The following ZSWIM5 variants were observed in gnomAD, a reference collection of about 807,000 sequenced individuals.
ZSWIM5 encodes zinc finger SWIM domain-containing protein 5.
A neutral mutation model predicts 119.6 loss-of-function variants in ZSWIM5; 55 were observed. That is an observed-to-expected ratio of 0.46 (90% CI 0.37 to 0.58). The LOEUF (loss-of-function observed/expected upper bound fraction) is 0.58, where lower values mean the gene tolerates loss of function less well. ZSWIM5 is among the 20% of genes least tolerant of loss of function. ZSWIM5 has a pLI of 0.00. For missense variants in ZSWIM5, 1,193 were observed against 1,512.8 expected, an observed-to-expected ratio of 0.79 and a Z score of 3.51; for synonymous variants, 537 against 606.9, an observed-to-expected ratio of 0.88 and a Z score of 1.69.
chr1:45,054,397 A>C (rs1399891348), intron 4 of ZSWIM5, among the ~76,000 whole-genome samples: 1 of 152,024 alleles, frequency 6.6e-6, no homozygotes, highest in Non-Finnish European at 1.5e-5. Flanking sequence ...AGCCTGGCCA[A>C]CATGGTGAAA....
chr1:45,054,955 A>T (rs1645112349), intron 4 of ZSWIM5, among the ~76,000 whole-genome samples: 1 of 152,056 alleles, frequency 6.6e-6, no homozygotes, highest in Non-Finnish European at 1.5e-5. Context: ...CCTCCTAAGT[A>T]ACTGGCATTA....
chr1:45,166,238 G>A (rs1040218545), intron 1 of ZSWIM5, among the ~76,000 whole-genome samples: 1 of 152,094 alleles, frequency 6.6e-6, no homozygotes, highest in East Asian at 1.9e-4. Flanking sequence ...CTCAATAGAT[G>A]CAGAAAAGGC....
At chr1:45,102,445 C>T (rs1645445845) in intron 1 of ZSWIM5, among the ~76,000 whole-genome samples, 1 of 152,192 alleles carries the variant, frequency 6.6e-6, no homozygotes, top group African/African-American at 2.4e-5. Flanking sequence ...AGTGCTTCTT[C>T]CTAAGCACTC....
chr1:45,036,280 G>T lies in ZSWIM5; in HGVS notation c.1914C>A (p.Pro638=), dbSNP rs1400860874. 1 of 1,613,476 alleles carries T rather than the reference G, an allele frequency of 6.2e-7. No homozygotes were observed. Among genetic ancestry groups the T allele is most frequent in the East Asian group, 2.2e-5 (1 of 44,880 alleles). Residue 638 remains proline (P), a synonymous_variant, in exon 9 of 14, where the codon CCC becomes CCA. Coordinates refer to ENST00000359600, the MANE Select transcript of ZSWIM5 (RefSeq NM_020883.2). ...CCACAGGTACATGCTGGTACACAGGGGGTCTGCTTTCATTCATATCTGAGG... is the reference window on the plus strand; with the variant it reads ...CCACAGGTACATGCTGGTACACAGGTGGTCTGCTTTCATTCATATCTGAGG... ...LEMSDMNESR[P]PVYQHVPVAA...
At chr1:45,024,547 A>AT (rs34558645) in intron 11 of ZSWIM5, among the ~76,000 whole-genome samples, 38,341 of 151,522 alleles carry the variant, frequency 0.25, 5,077 homozygotes, top group Admixed American at 0.34. Context: ...CCAACTACTC[A>AT]TTTTTTCTTT....
intron 2 of ZSWIM5, among the ~76,000 whole-genome samples, chr1:45,062,519 T>G (rs998405655): frequency 6.6e-6 from 1 of 152,302 alleles, no homozygotes; most frequent in Non-Finnish European, 1.5e-5. Flanking sequence ...TTGTTTGTTT[T>G]AGACAGGGTC....
intron 1 of ZSWIM5, among the ~76,000 whole-genome samples, chr1:45,106,183 G>A (rs1238158187): frequency 7.1e-6 from 1 of 141,570 alleles, no homozygotes; most frequent in African/African-American, 2.6e-5. Context: ...GGAAGTGGGC[G>A]CCTCTGCCCG....
chr1:45,020,576 T>C, intron 12 of ZSWIM5, 49 bp downstream of exon 12: 1 of 1,586,868 alleles, frequency 6.3e-7, no homozygotes, highest in Non-Finnish European at 8.6e-7. Context: ...CTGCCAACTG[T>C]CACTAGGTCA....
intron 1 of ZSWIM5, among the ~76,000 whole-genome samples, chr1:45,204,393 C>T (rs932346787): frequency 3.2e-4 from 48 of 152,268 alleles, no homozygotes; most frequent in African/African-American, 1.1e-3. Context: ...ATTCAAGTCA[C>T]TCTTTCAAAA....
intron 1 of ZSWIM5, among the ~76,000 whole-genome samples, chr1:45,134,466 G>A (rs1314977799): frequency 1.3e-5 from 2 of 152,140 alleles, no homozygotes; most frequent in Admixed American, 1.3e-4. Context: ...AAGGGCTGTA[G>A]GTCTTGAAGA....
At chr1:45,050,338 T>C (rs904816612) in intron 5 of ZSWIM5, among the ~76,000 whole-genome samples, 13 of 152,068 alleles carry the variant, frequency 8.5e-5, no homozygotes, top group African/African-American at 3.1e-4. Context: ...GCCTGGGGGA[T>C]AGAGTGAGAC....
intron 1 of ZSWIM5, among the ~76,000 whole-genome samples, chr1:45,099,744 A>T (rs901097715): frequency 1.3e-5 from 2 of 152,242 alleles, no homozygotes; most frequent in African/African-American, 2.4e-5. Context: ...CTGGTTCAAC[A>T]CACGCAAATC....
chr1:45,135,633 C>T lies in ZSWIM5; in HGVS notation c.596-47396G>A, dbSNP rs115852851. Among the ~76,000 whole-genome samples, 1,510 of 152,274 alleles carry T rather than the reference C, an allele frequency of 9.9e-3. 30 individuals carry two copies. Among genetic ancestry groups the T allele is most frequent in the African/African-American group, 0.035 (1,448 of 41,546 alleles). ...AAAGTCTTTCATTTTCAAAGAGACA[C>T]ATGTCTACTAAGAATTAAGATTAGT... On this transcript the variant is annotated intron_variant, in intron 1 of 13. Transcript: ENST00000359600.
intron 6 of ZSWIM5, among the ~76,000 whole-genome samples, chr1:45,042,119 T>C (rs1453791465): frequency 6.6e-6 from 1 of 152,204 alleles, no homozygotes; most frequent in Admixed American, 6.5e-5. Flanking sequence ...TAGTTAATTA[T>C]GGCTCAGGAT....
intron 2 of ZSWIM5, among the ~76,000 whole-genome samples, chr1:45,067,395 G>A (rs1332982364): frequency 2.0e-5 from 3 of 151,134 alleles, no homozygotes; most frequent in Non-Finnish European, 4.4e-5. Flanking sequence ...AGCTGTGATT[G>A]TGCCACTGCA....
intron 5 of ZSWIM5, among the ~76,000 whole-genome samples, chr1:45,049,004 G>A (rs569245300): frequency 1.6e-4 from 23 of 146,772 alleles, no homozygotes; most frequent in African/African-American, 5.0e-4. Context: ...GGTGGCTTGC[G>A]CCTGTAGTCC....
Position 45,051,215 on chromosome 1 carries a change from T to C in ZSWIM5, c.1291A>G (p.Lys431Glu), listed in dbSNP as rs1454865288. ...AGCCAGCAGGATTTCTCCTCCAGTT[T>C]GCAGTGTGGATTTAAAATTATGCAC... ...WVCIILNPHC[K>E]LEEKSCWLQQ... Residue 431 changes from lysine (K) to glutamate (E), a missense_variant, in exon 5 of 14, where the codon AAA (lysine) becomes GAA (glutamate). Lys to Glu is a moderately conservative substitution (Grantham distance 56, BLOSUM62 1). This residue lies in a region of ZSWIM5 where 961 missense variants were observed against 1,290.0 expected (regional missense o/e 0.74). Coordinates refer to ENST00000359600, the MANE Select transcript of ZSWIM5 (RefSeq NM_020883.2). 1 of 1,614,078 alleles carries C rather than the reference T, an allele frequency of 6.2e-7. No individual in the cohort carries two copies. Among genetic ancestry groups the C allele is most frequent in the African/African-American group, 1.3e-5 (1 of 74,926 alleles).
intron 4 of ZSWIM5, among the ~76,000 whole-genome samples, chr1:45,054,917 C>G (rs563713668): frequency 1.6e-4 from 25 of 152,186 alleles, no homozygotes; most frequent in African/African-American, 5.8e-4. Flanking sequence ...TGTCTGCCTC[C>G]CAGGTTCAAG....
intron 2 of ZSWIM5, among the ~76,000 whole-genome samples, chr1:45,077,868 A>G (rs911234498): frequency 5.3e-5 from 8 of 152,218 alleles, no homozygotes; most frequent in African/African-American, 1.9e-4. Context: ...GAAGAGAAAT[A>G]TGGCTCTGTT....
Sources: allele counts gnomAD v4.1 joint callset (sites outside exome capture counted in the v4.1 genomes callset), GRCh38; gene constraint gnomAD v4.1.1; regional missense constraint gnomAD v4.1.1; transcripts MANE v1.5; gene names NCBI Gene and HGNC (gene_info 2026-07-23, HGNC 2026-07-21).